GOLGA8B: variants seen among roughly 807,000 people sequenced by gnomAD.
GOLGA8B encodes golgin A8 family member B.
A neutral mutation model predicts 15.6 loss-of-function variants in GOLGA8B; 1 was observed. The ratio of observed to expected loss-of-function variants is 0.06; its 90% CI spans 0.02 to 0.30. The LOEUF (loss-of-function observed/expected upper bound fraction) is 0.30. Among genes scored for constraint, GOLGA8B ranks in the 10% least tolerant of loss-of-function variants. The pLI is 1.00. For synonymous variants in GOLGA8B, 9 were observed against 80.3 expected (o/e 0.11, Z 4.75); for missense variants, 17 against 201.3 (o/e 0.08, Z 5.54).
At chr15:34,559,387 C>T (rs1888566701) in intron 1 of GOLGA8B, among the ~76,000 whole-genome samples, 1 of 143,452 alleles carries the variant, frequency 7.0e-6, no homozygotes, top group Non-Finnish European at 1.5e-5. Flanking sequence ...AACTCTACAC[C>T]TAAAAATGGT....
At chr15:34,577,860 C>CA (rs1388232489) in intron 1 of GOLGA8B, among the ~76,000 whole-genome samples, 1 of 152,166 alleles carries the variant, frequency 6.6e-6, no homozygotes, top group African/African-American at 2.4e-5. Flanking sequence ...TCCGGTGAGT[C>CA]AGTCTGTACA....
rs145981695 is a variant in GOLGA8B, at chr15:34,576,802, C to T, written c.-1123+6714G>A. Among the ~76,000 whole-genome samples, 717 of 152,312 alleles carry T rather than the reference C, an allele frequency of 4.7e-3. 3 individuals are homozygous for T. Among genetic ancestry groups the T allele is most frequent in the Admixed American group, 7.5e-3 (115 of 15,296 alleles). ...ACTCAGCTGACAGCTTTCACGCGTACCAGCCAGAATCAGTTAGAGGCTGGA... is the reference window on the plus strand; with the variant it reads ...ACTCAGCTGACAGCTTTCACGCGTATCAGCCAGAATCAGTTAGAGGCTGGA... On this transcript the variant is annotated intron_variant, in intron 1 of 23. Coordinates refer to ENST00000683415, the MANE Select transcript of GOLGA8B (RefSeq NM_001023567.5).
chr15:34,575,177 C>A (rs1337986073), intron 1 of GOLGA8B, among the ~76,000 whole-genome samples: 2 of 152,032 alleles, frequency 1.3e-5, no homozygotes, highest in African/African-American at 4.8e-5. Context: ...TCAGCTGCCA[C>A]CTCCTATAGA....
chr15:34,571,157 C>G (rs1888903215), intron 1 of GOLGA8B, among the ~76,000 whole-genome samples: 1 of 151,574 alleles, frequency 6.6e-6, no homozygotes, highest in Admixed American at 6.6e-5. Context: ...AAAACCCCAC[C>G]TCTACAAAAA....
chr15:34,572,968 A>G (rs138501053), intron 1 of GOLGA8B, among the ~76,000 whole-genome samples: 9,796 of 147,512 alleles, frequency 0.066, no homozygotes, highest in South Asian at 0.17. Flanking sequence ...AGAGACATCA[A>G]GCCAGGTACA....
At chr15:34,554,103 T>C (rs1888425093) in intron 1 of GOLGA8B, 147 bp from the exon 2 acceptor site, 2 of 142,036 alleles carry the variant, frequency 1.4e-5, no homozygotes, top group South Asian at 5.0e-4. Flanking sequence ...TGAGCCTGTC[T>C]GGAAGTGTTT....
Position 34,527,459 on chromosome 15 carries a change from A to G in GOLGA8B, c.*173T>C. 1.4e-6 allele frequency: 1 copy of G among 723,310 alleles called. No individual in the cohort carries two copies. Among genetic ancestry groups the G allele is most frequent in the Non-Finnish European group, 2.1e-6 (1 of 486,266 alleles). The allele number at this position is 723,310 out of a possible 1,614,324, so 44.8% of individuals were successfully genotyped here. A position where few individuals can be genotyped will look rare whatever the true frequency, so the allele number is the denominator to read the frequency against. On this transcript the variant is annotated 3_prime_UTR_variant, in exon 24 of 24. Coordinates refer to ENST00000683415, the MANE Select transcript of GOLGA8B (RefSeq NM_001023567.5). ...GTGAACATCAGTGAGAGGCACAGAG[A>G]CCCACTCTCTTTTAACTTTTTACAA...
At chr15:34,582,913 G>T (rs552289740) in intron 1 of GOLGA8B, 1 of 152,390 alleles carries the variant, frequency 6.6e-6, no homozygotes, top group South Asian at 2.1e-4. Flanking sequence ...GGAGGGGCAG[G>T]TCCGCGGCGT....
intron 1 of GOLGA8B, among the ~76,000 whole-genome samples, chr15:34,577,158 T>A (rs1467510784): frequency 6.6e-6 from 1 of 152,064 alleles, no homozygotes; most frequent in African/African-American, 2.4e-5. Context: ...CAGCTCCGGA[T>A]AATTCAGACA....
At chr15:34,548,444 CAG>C (rs1188225126) in intron 4 of GOLGA8B, among the ~76,000 whole-genome samples, 3 of 150,434 alleles carry the variant, frequency 2.0e-5, no homozygotes, top group Non-Finnish European at 4.4e-5. Context: ...TCAGGAAAAA[CAG>C]AGGTCACTAT....
At chr15:34,578,377 C>T (rs1274319952) in intron 1 of GOLGA8B, among the ~76,000 whole-genome samples, 3 of 152,300 alleles carry the variant, frequency 2.0e-5, no homozygotes, top group Non-Finnish European at 4.4e-5. Flanking sequence ...TCTCTCAGCA[C>T]GTGTTGAAAA....
At chr15:34,569,307 C>CA (rs967050443) in intron 1 of GOLGA8B, among the ~76,000 whole-genome samples, 1 of 149,294 alleles carries the variant, frequency 6.7e-6, no homozygotes, top group Non-Finnish European at 1.5e-5. Context: ...GACAAACTAA[C>CA]AAACACCCAG....
intron 1 of GOLGA8B, among the ~76,000 whole-genome samples, chr15:34,572,775 T>C (rs1437722396): frequency 6.6e-6 from 1 of 152,226 alleles, no homozygotes; most frequent in Non-Finnish European, 1.5e-5. Context: ...CTGAATTTCA[T>C]AATCAGAAAC....
Position 34,527,429 on chromosome 15 carries a change from CCA to C in GOLGA8B, c.*201_*202del, listed in dbSNP as rs2140329898. The C allele has an allele frequency of 1.5e-6, 1 of 655,272 alleles. No individual in the cohort carries two copies. The highest frequency in any genetic ancestry group is 1.9e-5 in the African/African-American group (1 of 51,456). The allele number at this position is 655,272 out of a possible 1,614,324, so 40.6% of individuals were successfully genotyped here. On this transcript the variant is annotated 3_prime_UTR_variant, in exon 24 of 24. Coordinates refer to ENST00000683415, the MANE Select transcript of GOLGA8B (RefSeq NM_001023567.5). ...GAAAAAAGAAAAATGCTAAAGGATG[CCA>C]GAGTGAACATCAGTGAGAGGCACAG... is the stretch of plus-strand genomic sequence containing the variant.
At chr15:34,571,351 C>A (rs574817235) in intron 1 of GOLGA8B, among the ~76,000 whole-genome samples, 8 of 151,958 alleles carry the variant, frequency 5.3e-5, no homozygotes, top group Non-Finnish European at 1.0e-4. Context: ...CTTATCTATT[C>A]AAAGGAATAT....
At chr15:34,565,079 G>T (rs1259421286) in intron 1 of GOLGA8B, among the ~76,000 whole-genome samples, 1 of 143,210 alleles carries the variant, frequency 7.0e-6, no homozygotes, top group African/African-American at 2.5e-5. Context: ...TCCCCAAAAG[G>T]TGCTGTGGGG....
intron 1 of GOLGA8B, among the ~76,000 whole-genome samples, chr15:34,583,157 C>G (rs1408178358): frequency 6.6e-6 from 1 of 151,984 alleles, no homozygotes; most frequent in Non-Finnish European, 1.5e-5. Context: ...GCCCGGCCAG[C>G]CCAGCGAGAT....
intron 1 of GOLGA8B, among the ~76,000 whole-genome samples, chr15:34,563,460 T>G (rs1888676724): frequency 6.7e-6 from 1 of 148,810 alleles, no homozygotes; most frequent in Non-Finnish European, 1.5e-5. Flanking sequence ...GGTATCCCCC[T>G]AACCTCCACC....
intron 1 of GOLGA8B, among the ~76,000 whole-genome samples, chr15:34,576,797 G>C (rs566839858): frequency 6.6e-6 from 1 of 152,292 alleles, no homozygotes; most frequent in South Asian, 2.1e-4. Flanking sequence ...CAGCTTTCAC[G>C]CGTACCAGCC....
Sources: allele counts gnomAD v4.1 joint callset (sites outside exome capture counted in the v4.1 genomes callset), GRCh38; gene constraint gnomAD v4.1.1; transcripts MANE v1.5; gene names NCBI Gene and HGNC (gene_info 2026-07-23, HGNC 2026-07-21).